C2orf49: variants seen among roughly 807,000 people sequenced by gnomAD.
C2orf49 encodes the protein tRNA-splicing ligase complex subunit ASW.
In C2orf49, 11 loss-of-function variants were observed where a neutral mutation model predicts 20.6. The observed-to-expected ratio is 0.53, with a 90% CI of 0.34 to 0.88. The LOEUF (loss-of-function observed/expected upper bound fraction) is 0.88. Ranked by LOEUF, C2orf49 falls within the 40% of genes least tolerant of loss-of-function variation. The probability of loss-of-function intolerance (pLI) is 0.02; values close to 1 mark genes in which losing one functional copy is unlikely to be tolerated. For missense variants in C2orf49, 289 were observed against 274.2 expected, an observed-to-expected ratio of 1.05 and a Z score of -0.38; for synonymous variants, 134 against 108.5, an observed-to-expected ratio of 1.24 and a Z score of -1.46.
At chr2:105,378,810 G>A in the C2orf49 span, 1 of 152,408 alleles carries the variant, frequency 6.6e-6, no homozygotes, top group Non-Finnish European at 1.5e-5. Flanking sequence ...AAGTTTTGTG[G>A]TGTACAATAA....
chr2:105,378,221 G>A, the C2orf49 span: 9 of 470,530 alleles, frequency 1.9e-5, no homozygotes, highest in African/African-American at 1.8e-4. Context: ...AAATGCAATA[G>A]CTACAGTTTA....
Position 105,337,566 on chromosome 2 carries a change from C to G in C2orf49, c.-22C>G, listed in dbSNP as rs756666337. On this transcript the variant is annotated 5_prime_UTR_variant, in exon 1 of 4. Transcript: ENST00000258457. ...TTCGCGGGGCTTTGTGGGTAGCCGA[C>G]TGGGGTCTCCTGGCGACGACCATGG... The G allele has an allele frequency of 9.2e-5, 148 of 1,613,156 alleles. No individual in the cohort carries two copies. Among genetic ancestry groups the G allele is most frequent in the Non-Finnish European group, 1.1e-4 (126 of 1,179,950 alleles).
chr2:105,368,604 A>G, the C2orf49 span, among the ~76,000 whole-genome samples: 1 of 152,180 alleles, frequency 6.6e-6, no homozygotes, highest in African/African-American at 2.4e-5. Flanking sequence ...CATTTCTCCA[A>G]GTGAACTGAG....
At chr2:105,356,976 G>A in the C2orf49 span, among the ~76,000 whole-genome samples, 12 of 151,874 alleles carry the variant, frequency 7.9e-5, no homozygotes, top group African/African-American at 2.9e-4. Flanking sequence ...TCACTATGTT[G>A]TACAGGCTGG....
At chr2:105,364,968 T>C in the C2orf49 span, among the ~76,000 whole-genome samples, 5 of 152,296 alleles carry the variant, frequency 3.3e-5, 1 homozygote, top group East Asian at 9.6e-4. Flanking sequence ...CACAAGAGAA[T>C]GAACACCAAA....
At chr2:105,354,040 T>C (rs1272623408), downstream of C2orf49, among the ~76,000 whole-genome samples, 1 of 152,238 alleles carries the variant, frequency 6.6e-6, no homozygotes, top group Non-Finnish European at 1.5e-5. Flanking sequence ...CAATGTTCAA[T>C]ACATATACCT....
At chr2:105,372,388 G>A in the C2orf49 span, among the ~76,000 whole-genome samples, 1 of 149,474 alleles carries the variant, frequency 6.7e-6, no homozygotes, top group African/African-American at 2.4e-5. Flanking sequence ...ACTATGCCCG[G>A]CTAATTTTTT....
chr2:105,369,908 G>A, the C2orf49 span, among the ~76,000 whole-genome samples: 1 of 152,170 alleles, frequency 6.6e-6, no homozygotes, highest in Non-Finnish European at 1.5e-5. Flanking sequence ...GGGACATGGC[G>A]CGTGCACCTC....
the C2orf49 span, among the ~76,000 whole-genome samples, chr2:105,363,711 C>T: frequency 0.14 from 21,229 of 152,240 alleles, 1,834 homozygotes; most frequent in South Asian, 0.24. Flanking sequence ...GCCCTCAGCC[C>T]TTCCCAGGGA....
chr2:105,361,976 A>G, the C2orf49 span, among the ~76,000 whole-genome samples: 4 of 152,224 alleles, frequency 2.6e-5, no homozygotes, highest in African/African-American at 9.6e-5. Context: ...ATGGAATCAA[A>G]TATTTAAGGT....
chr2:105,363,654 T>G, the C2orf49 span, among the ~76,000 whole-genome samples: 1 of 152,176 alleles, frequency 6.6e-6, no homozygotes, highest in Non-Finnish European at 1.5e-5. Context: ...TTCATTCCAG[T>G]GTCATAGGCC....
the C2orf49 span, among the ~76,000 whole-genome samples, chr2:105,371,306 C>CT: frequency 6.6e-6 from 1 of 152,130 alleles, no homozygotes; most frequent in Admixed American, 6.5e-5. Context: ...CAGGGCCGGG[C>CT]TTCATCTAAT....
the C2orf49 span, chr2:105,363,460 C>T: frequency 5.6e-6 from 9 of 1,608,610 alleles, no homozygotes; most frequent in African/African-American, 5.3e-5. Context: ...TGACCCCTCC[C>T]GTGGTGATGG....
Position 105,342,971 on chromosome 2 carries a change from G to A in C2orf49, c.390G>A (p.Pro130=), listed in dbSNP as rs780814726. 22 of 1,614,060 alleles carry A rather than the reference G, an allele frequency of 1.4e-5. No homozygotes were observed. The highest frequency in any genetic ancestry group is 4.5e-5 in the East Asian group (2 of 44,898). ...ATAATGATCGACTGAAGCCTCCCCC[G>A]CAGGCAAGCTTTACCAGTAATGCCT... The part of the protein sequence containing the change: ...NGDNDRLKPP[P]QASFTSNAFR... The change falls in exon 3 of 4, where the codon CCG becomes CCA. Residue 130 remains proline, a synonymous_variant. Coordinates refer to ENST00000258457, the MANE Select transcript of C2orf49 (RefSeq NM_024093.3).
chr2:105,345,349 T>C lies in C2orf49; in HGVS notation c.677T>C (p.Ile226Thr), dbSNP rs1048104685. ...NLKPPQAKRK[I>T]QHVTWP Reference sequence around the variant, plus strand: ...AAGCCCCCACAAGCAAAAAGGAAGATACAACATGTTACTTGGCCCTGAAGA... The same window carrying C: ...AAGCCCCCACAAGCAAAAAGGAAGACACAACATGTTACTTGGCCCTGAAGA... The change falls in exon 4 of 4, where the codon ATA becomes ACA. Residue 226 changes from isoleucine to threonine, a missense_variant. By Grantham distance (89) the Ile-to-Thr change is moderately conservative. Transcript: ENST00000258457. 1 of 1,613,358 alleles carries C rather than the reference T, an allele frequency of 6.2e-7. No homozygotes were observed. The highest frequency in any genetic ancestry group is 2.2e-5 in the East Asian group (1 of 44,836).
chr2:105,345,293 G>A, intron 3 of C2orf49, 22 bp from the exon 4 acceptor site: 1 of 1,603,430 alleles, frequency 6.2e-7, no homozygotes, highest in Non-Finnish European at 8.5e-7. Flanking sequence ...AGTATAAACT[G>A]ATTTCTGTTC....
At chr2:105,371,649 A>G in the C2orf49 span, among the ~76,000 whole-genome samples, 3 of 152,060 alleles carry the variant, frequency 2.0e-5, no homozygotes, top group Admixed American at 6.6e-5. Flanking sequence ...CTAACACAGA[A>G]AGTCAAGACA....
chr2:105,376,817 G>A, the C2orf49 span: 6 of 152,334 alleles, frequency 3.9e-5, no homozygotes, highest in African/African-American at 1.4e-4. Flanking sequence ...GCATACAATG[G>A]AATTTTATTC....
the C2orf49 span, among the ~76,000 whole-genome samples, chr2:105,379,471 TTTC>T: frequency 6.6e-6 from 1 of 152,240 alleles, no homozygotes; most frequent in Non-Finnish European, 1.5e-5. Context: ...TAAAATTCTT[TTTC>T]TTAATTCTTC....
Sources: allele counts gnomAD v4.1 joint callset (sites outside exome capture counted in the v4.1 genomes callset), GRCh38; gene constraint gnomAD v4.1.1; transcripts MANE v1.5; gene names NCBI Gene and HGNC (gene_info 2026-07-23, HGNC 2026-07-21).